The following GOLGB1 variants were observed in gnomAD, a reference collection of about 807,000 sequenced individuals.
The protein encoded by GOLGB1 is golgin B1, also known as golgin subfamily B member 1.
A neutral mutation model predicts 336.9 loss-of-function variants in GOLGB1; 174 were observed. The ratio of observed to expected loss-of-function variants is 0.52; its 90% CI spans 0.46 to 0.59. The LOEUF is 0.59. Among genes scored for constraint, GOLGB1 ranks in the 20% least tolerant of loss-of-function variants. The probability of loss-of-function intolerance (pLI) is 0.00; values close to 1 mark genes in which losing one functional copy is unlikely to be tolerated. For synonymous variants in GOLGB1, 1,208 were observed against 1,289.2 expected (o/e 0.94, Z 1.35); for missense variants, 3,331 against 3,645.3 (o/e 0.91, Z 2.22).
intron 10 of GOLGB1, among the ~76,000 whole-genome samples, chr3:121,704,698 C>T (rs1943667907): frequency 1.3e-5 from 2 of 151,194 alleles, no homozygotes; most frequent in Admixed American, 1.3e-4. Context: ...ATTGCTTGAA[C>T]CCAGGAGGCA....
At chr3:121,683,846 C>T (rs1941383687) in intron 14 of GOLGB1, among the ~76,000 whole-genome samples, 1 of 152,052 alleles carries the variant, frequency 6.6e-6, no homozygotes, top group Non-Finnish European at 1.5e-5. Flanking sequence ...AGAAAATCTA[C>T]CGGCCGGGGA....
intron 9 of GOLGB1, 77 bp from the exon 10 acceptor site, chr3:121,715,053 A>T: frequency 1.3e-6 from 1 of 782,944 alleles, no homozygotes; most frequent in Middle Eastern, 3.1e-4. Context: ...CTAAAGATAC[A>T]CTGTATGCTG....
intron 15 of GOLGB1, among the ~76,000 whole-genome samples, chr3:121,677,871 C>T (rs1940611785): frequency 6.6e-6 from 1 of 152,092 alleles, no homozygotes; most frequent in African/African-American, 2.4e-5. Context: ...GATACGGTAC[C>T]AATCACCTTT....
intron 1 of GOLGB1, among the ~76,000 whole-genome samples, chr3:121,746,988 A>T (rs748024842): frequency 1.3e-5 from 2 of 151,324 alleles, no homozygotes; most frequent in Non-Finnish European, 2.9e-5. Flanking sequence ...TTGAAAACAG[A>T]ATGAAGGGAT....
chr3:121,699,826 T>C lies in GOLGB1; in HGVS notation c.1579A>G (p.Arg527Gly), dbSNP rs777708616. The change falls in exon 12 of 22, where the codon AGA (arginine) becomes GGA (glycine). Residue 527 changes from arginine to glycine, a missense_variant. Arg to Gly is a moderately radical substitution (Grantham distance 125). Coordinates refer to ENST00000614479, the MANE Select transcript of GOLGB1 (RefSeq NM_001366282.2). The stretch of plus-strand genomic sequence containing the variant: ...ACATCACTTACCTCACTGACTTCTC[T>C]GTCTGCCTCCCCAGTTCTATTCTGA... The part of the protein sequence containing the change: ...EAQNRTGEAD[R>G]EVSEISIVDI... 6.2e-7 allele frequency: 1 copy of C among 1,600,322 alleles called. No homozygotes were observed. The highest frequency in any genetic ancestry group is 1.1e-5 in the South Asian group (1 of 90,512).
At chr3:121,748,540 C>T (rs943999740) in intron 1 of GOLGB1, among the ~76,000 whole-genome samples, 2 of 152,210 alleles carry the variant, frequency 1.3e-5, no homozygotes, top group African/African-American at 4.8e-5. Context: ...CTTTTGAGTA[C>T]TCTTCAACTT....
At chr3:121,669,752 T>C (rs542337072) in intron 17 of GOLGB1, among the ~76,000 whole-genome samples, 18 of 152,314 alleles carry the variant, frequency 1.2e-4, no homozygotes, top group South Asian at 2.1e-4. Flanking sequence ...GAACTCAATA[T>C]GGCTGGAGAG....
chr3:121,664,777 G>C, intron 21 of GOLGB1, 149 bp downstream of exon 21: 4 of 772,076 alleles, frequency 5.2e-6, no homozygotes. Flanking sequence ...AATTCCACCA[G>C]GTTCTAATCT....
chr3:121,687,374 A>C (rs2107731564), intron 14 of GOLGB1, among the ~76,000 whole-genome samples: 1 of 152,346 alleles, frequency 6.6e-6, no homozygotes, highest in East Asian at 1.9e-4. Context: ...GTAGTGCAGT[A>C]ATACAGTAGA....
In GOLGB1 at chr3:121,698,285, A is replaced by C. The variant is rs1464297503; in HGVS notation, c.2238T>G (p.Ala746=). ...NADNNSSAFT[A]LSEERDQLLS... ...GAAGCTGGTCTCTTTCTTCAGACAAAGCAGTGAATGCACTGCTGTTGTTGT... is the reference window on the plus strand; with the variant it reads ...GAAGCTGGTCTCTTTCTTCAGACAACGCAGTGAATGCACTGCTGTTGTTGT... The change falls in exon 13 of 22, where the codon GCT becomes GCG. Residue 746 remains alanine (A), a synonymous_variant. Transcript: ENST00000614479. 1.7e-5 allele frequency: 27 copies of C among 1,613,882 alleles called. No homozygotes were observed. Among genetic ancestry groups the C allele is most frequent in the Non-Finnish European group, 1.9e-5 (23 of 1,179,926 alleles).
intron 10 of GOLGB1, among the ~76,000 whole-genome samples, chr3:121,712,339 A>G (rs1478952576): frequency 6.6e-6 from 1 of 152,206 alleles, no homozygotes; most frequent in African/African-American, 2.4e-5. Flanking sequence ...AATGAAAACT[A>G]AAACCATAAA....
chr3:121,673,828 C>T (rs2107603405), intron 17 of GOLGB1, among the ~76,000 whole-genome samples: 1 of 152,272 alleles, frequency 6.6e-6, no homozygotes, highest in East Asian at 1.9e-4. Flanking sequence ...TCAAGTGATT[C>T]ACATGCCTCA....
In GOLGB1 at chr3:121,726,932, T is replaced by C; in HGVS notation, c.512A>G (p.Gln171Arg). 6.2e-7 allele frequency: 1 copy of C among 1,602,226 alleles called. No homozygotes were observed. The highest frequency in any genetic ancestry group is 8.5e-7 in the Non-Finnish European group (1 of 1,173,100). Residue 171 changes from glutamine (Q) to arginine (R), a missense_variant, in exon 5 of 22, where the codon CAG becomes CGG. Coordinates refer to ENST00000614479, the MANE Select transcript of GOLGB1 (RefSeq NM_001366282.2). ...STLQAQLTQA[Q>R]AEQPAQSSTE... ...CCCTACCTGTGCAGGTTGTTCTGCC[T>C]GTGCCTGAGTAAGCTGGGCTTGCAA...
chr3:121,720,459 G>A (rs1048693260), intron 6 of GOLGB1, among the ~76,000 whole-genome samples: 1 of 152,154 alleles, frequency 6.6e-6, no homozygotes, highest in Non-Finnish European at 1.5e-5. Context: ...TTGTTTTTAG[G>A]TTGTGAGTGT....
Position 121,691,025 on chromosome 3 carries a change from C to G in GOLGB1, c.8339G>C (p.Gly2780Ala). The G allele has an allele frequency of 6.2e-7, 1 of 1,613,750 alleles. No individual in the cohort carries two copies. The change falls in exon 14 of 22, where the codon GGA becomes GCA. Residue 2780 changes from glycine to alanine, a missense_variant. Transcript: ENST00000614479. ...LKELAQLKEQGLLNRERDALL... is the reference protein window; with the variant it reads ...LKELAQLKEQALLNRERDALL... ...AGCATCTCTCTCTCTGTTTAAGAGTCCCTGTTCTTTCAACTGTGCCAATTC... is the reference window on the plus strand; with the variant it reads ...AGCATCTCTCTCTCTGTTTAAGAGTGCCTGTTCTTTCAACTGTGCCAATTC...
rs368499209 is a variant in GOLGB1, at chr3:121,712,042, A to G, written c.1404+2819T>C. Among the ~76,000 whole-genome samples the G allele has an allele frequency of 1.1e-4, 16 of 152,358 alleles. No homozygotes were observed. In the South Asian group the frequency reaches 2.5e-3, roughly 24 times the overall value. On this transcript the variant is annotated intron_variant, in intron 10 of 21. Coordinates refer to ENST00000614479, the MANE Select transcript of GOLGB1 (RefSeq NM_001366282.2). The stretch of plus-strand genomic sequence containing the variant: ...AAAGAAGAACAAAGTTGGAGGACTT[A>G]TACTATTAATACTTGACTTCAAGAC...
At chr3:121,731,758 G>A (rs990762112) in intron 1 of GOLGB1, among the ~76,000 whole-genome samples, 1 of 152,020 alleles carries the variant, frequency 6.6e-6, no homozygotes, top group Admixed American at 6.6e-5. Context: ...AGTAACCTAT[G>A]ATTCTTCTAT....
chr3:121,713,246 C>A (rs557364082), intron 10 of GOLGB1, among the ~76,000 whole-genome samples: 18 of 152,194 alleles, frequency 1.2e-4, no homozygotes, highest in Non-Finnish European at 2.6e-4. Context: ...TATGACCCAG[C>A]AAAGCAATTC....
chr3:121,722,731 T>A (rs371094398), intron 5 of GOLGB1, among the ~76,000 whole-genome samples: 1 of 152,168 alleles, frequency 6.6e-6, no homozygotes, highest in African/African-American at 2.4e-5. Flanking sequence ...AAGAACTACA[T>A]TGTATTAGAG....
Sources: gnomAD v4.1 joint callset for allele counts (sites outside exome capture counted in the v4.1 genomes callset) on GRCh38, gnomAD v4.1.1 for gene constraint, MANE v1.5 for transcripts, NCBI Gene and HGNC (gene_info 2026-07-23, HGNC 2026-07-21) for gene names.